Variants in IL1RAPL1 observed in about 807,000 individuals in gnomAD.
IL1RAPL1 encodes the protein interleukin-1 receptor accessory protein-like 1.
Under a neutral mutation model 48.4 loss-of-function variants are expected in IL1RAPL1, and 3 were observed. The observed-to-expected ratio is 0.06, with a 90% CI of 0.03 to 0.16. The LOEUF (loss-of-function observed/expected upper bound fraction) is 0.16, where lower values mean the gene tolerates loss of function less well. Ranked by LOEUF, IL1RAPL1 falls within the 10% of genes least tolerant of loss-of-function variation. The probability of loss-of-function intolerance (pLI) is 1.00; values close to 1 mark genes in which losing one functional copy is unlikely to be tolerated. For synonymous variants in IL1RAPL1, 185 were observed against 187.7 expected (o/e 0.99, Z 0.12); for missense variants, 349 against 530.6 (o/e 0.66, Z 3.36).
chrX:28,746,884 G>A (rs1412940391), intron 1 of IL1RAPL1, among the ~76,000 whole-genome samples: 1 of 110,780 alleles, frequency 9.0e-6, no homozygotes, highest in African/African-American at 3.3e-5. Flanking sequence ...CCTAATTACT[G>A]ACCTAATTTT....
At chrX:29,885,167 A>G (rs1188750468) in intron 6 of IL1RAPL1, among the ~76,000 whole-genome samples, 1 of 111,656 alleles carries the variant, frequency 9.0e-6, no homozygotes, top group African/African-American at 3.3e-5. Context: ...ACTGCCTGCA[A>G]TGAATGCCTG....
At chrX:28,742,455 C>T (rs1029970361) in intron 1 of IL1RAPL1, among the ~76,000 whole-genome samples, 7 of 110,906 alleles carry the variant, frequency 6.3e-5, no homozygotes, top group African/African-American at 2.3e-4. Flanking sequence ...TTTTTATTTC[C>T]CATAGTCTTC....
chrX:29,689,890 A>G (rs1179232250), intron 6 of IL1RAPL1, among the ~76,000 whole-genome samples: 1 of 112,181 alleles, frequency 8.9e-6, no homozygotes, highest in Non-Finnish European at 1.9e-5. Flanking sequence ...TTCTTATACA[A>G]TTAGGAAAGA....
intron 3 of IL1RAPL1, among the ~76,000 whole-genome samples, chrX:29,328,640 T>G (rs757399042): frequency 3.0e-5 from 3 of 100,753 alleles, no homozygotes; most frequent in East Asian, 5.8e-4. Flanking sequence ...TGTATATATA[T>G]ATAGAGAGAG....
In IL1RAPL1 at chrX:29,060,179, A is replaced by G. The variant is rs755667572; in HGVS notation, c.83-222759A>G. 8.9e-5 allele frequency among the ~76,000 whole-genome samples: 10 copies of G among 112,056 alleles called. 1 individual carries two copies. In the South Asian group the frequency reaches 3.3e-3, roughly 37 times the overall value. On this transcript the variant is annotated intron_variant, in intron 2 of 10. Transcript: ENST00000378993. ...CTGGCAATTTGAGTAGTTAAGAACC[A>G]TTGTATATTTTATTATAGCTGTAAT...
chrX:28,600,227 TAAAG>T (rs945648429), intron 1 of IL1RAPL1, among the ~76,000 whole-genome samples: 1 of 112,053 alleles, frequency 8.9e-6, no homozygotes, highest in South Asian at 3.7e-4. Context: ...TTTAAAGAGA[TAAAG>T]AAACTAAATA....
intron 2 of IL1RAPL1, among the ~76,000 whole-genome samples, chrX:29,252,116 G>C (rs1264775139): frequency 9.0e-6 from 1 of 110,660 alleles, no homozygotes; most frequent in Non-Finnish European, 1.9e-5. Context: ...GGACTGTTGT[G>C]GGGTAAGGGG....
At chrX:28,928,336 T>G (rs1381766601) in intron 2 of IL1RAPL1, among the ~76,000 whole-genome samples, 2 of 111,790 alleles carry the variant, frequency 1.8e-5, no homozygotes, top group Non-Finnish European at 3.8e-5. Context: ...CATGTTTTTT[T>G]TCTTTTGTCA....
At chrX:29,618,220 C>T (rs934322477) in intron 5 of IL1RAPL1, among the ~76,000 whole-genome samples, 46 of 112,151 alleles carry the variant, frequency 4.1e-4, no homozygotes, top group African/African-American at 1.2e-3. Flanking sequence ...CAAAATTGCT[C>T]ATTAGCCTTT....
At chrX:28,626,434 A>G (rs1934341964) in intron 1 of IL1RAPL1, among the ~76,000 whole-genome samples, 1 of 112,015 alleles carries the variant, frequency 8.9e-6, no homozygotes, top group African/African-American at 3.2e-5. Context: ...TTAAAGATAC[A>G]GCTAAAGCCT....
chrX:28,724,462 A>G (rs1320235305), intron 1 of IL1RAPL1, among the ~76,000 whole-genome samples: 2 of 110,503 alleles, frequency 1.8e-5, no homozygotes, highest in Non-Finnish European at 3.8e-5. Context: ...ATCTTCCTCC[A>G]TCCCTTTATT....
In IL1RAPL1 at chrX:28,872,158, A is replaced by G. The variant is rs772910762; in HGVS notation, c.82+82733A>G. On this transcript the variant is annotated intron_variant, in intron 2 of 10. Coordinates refer to ENST00000378993, the MANE Select transcript of IL1RAPL1 (RefSeq NM_014271.4). ...GATTAGCTGGGACTACAGGGGGGAA[A>G]CCACCACCATGCCTGGCTATTTAAA... 3.9e-5 allele frequency among the ~76,000 whole-genome samples: 4 copies of G among 103,741 alleles called. No homozygotes were observed. The South Asian group carries it at 1.9e-3, about 49-fold the overall frequency. The allele number at this position is 103,741 out of a possible 115,157, so 90.1% of individuals were successfully genotyped here.
chrX:29,728,031 G>A (rs1273216870), intron 6 of IL1RAPL1, among the ~76,000 whole-genome samples: 10 of 110,577 alleles, frequency 9.0e-5, no homozygotes, highest in African/African-American at 2.6e-4. Flanking sequence ...TCCGCCTCCC[G>A]GGTTCACGCC....
At chrX:29,757,115 G>A (rs1236797658) in intron 6 of IL1RAPL1, among the ~76,000 whole-genome samples, 10 of 112,411 alleles carry the variant, frequency 8.9e-5, no homozygotes, top group African/African-American at 2.9e-4. Flanking sequence ...ATACATGTCT[G>A]TTGTTTTAAG....
In IL1RAPL1 at chrX:28,798,560, T is replaced by C. The variant is rs144128175; in HGVS notation, c.82+9135T>C. 4.9e-3 allele frequency among the ~76,000 whole-genome samples: 550 copies of C among 112,004 alleles called. 1 individual carries two copies. Among genetic ancestry groups the C allele is most frequent in the Non-Finnish European group, 7.9e-3 (422 of 53,208 alleles). On this transcript the variant is annotated intron_variant, in intron 2 of 10. Transcript: ENST00000378993. ...CAAATTGGAAACGTACCTTTTGCCA[T>C]GTAATATGACATAGTCATATGCTTC...
At chrX:29,485,149 G>T (rs2050064) in intron 5 of IL1RAPL1, among the ~76,000 whole-genome samples, 48,839 of 110,973 alleles carry the variant, frequency 0.44, 7,905 homozygotes, top group East Asian at 0.71. Context: ...CTAATACTAG[G>T]TGTACTTTAG....
At chrX:29,761,675 C>T (rs1371429708) in intron 6 of IL1RAPL1, among the ~76,000 whole-genome samples, 1 of 111,096 alleles carries the variant, frequency 9.0e-6, no homozygotes, top group Non-Finnish European at 1.9e-5. Context: ...GGCATTTCCT[C>T]AGTCCACCCA....
intron 10 of IL1RAPL1, 29 bp from the exon 11 acceptor site, chrX:29,955,073 A>G (rs980979294): frequency 2.6e-6 from 3 of 1,161,460 alleles, no homozygotes; most frequent in African/African-American, 3.6e-5. Flanking sequence ...CCATTCACTC[A>G]TTTTGATGCA....
chrX:29,371,366 A>G (rs781400313), intron 3 of IL1RAPL1, among the ~76,000 whole-genome samples: 3 of 111,276 alleles, frequency 2.7e-5, no homozygotes, highest in African/African-American at 9.8e-5. Flanking sequence ...TCCTGATTTC[A>G]GGTGATCCAC....
Sources: allele counts gnomAD v4.1 joint callset (sites outside exome capture counted in the v4.1 genomes callset), GRCh38; gene constraint gnomAD v4.1.1; transcripts MANE v1.5; gene names NCBI Gene and HGNC (gene_info 2026-07-23, HGNC 2026-07-21).